The following ZFHX4 variants were observed in gnomAD, a reference collection of about 807,000 sequenced individuals.
The protein encoded by ZFHX4 is zinc finger homeobox protein 4.
ZFHX4 carries 56 observed loss-of-function variants against 267.6 expected under a neutral mutation model. The observed-to-expected ratio is 0.21, with a 90% confidence interval of 0.17 to 0.26. ZFHX4 has a LOEUF of 0.26. Ranked by LOEUF, ZFHX4 falls within the 10% of genes least tolerant of loss-of-function variation. The probability of loss-of-function intolerance (pLI) is 1.00; values close to 1 mark genes in which losing one functional copy is unlikely to be tolerated. For synonymous variants in ZFHX4, 1,778 were observed against 1,665.6 expected, an observed-to-expected ratio of 1.07 and a Z score of -1.64; for missense variants, 4,332 against 4,420.0, an observed-to-expected ratio of 0.98 and a Z score of 0.56.
At chr8:76,722,937 C>T (rs1169991881) in intron 3 of ZFHX4, among the ~76,000 whole-genome samples, 4 of 151,984 alleles carry the variant, frequency 2.6e-5, no homozygotes, top group African/African-American at 9.7e-5. Context: ...TTAACTTTAT[C>T]TCCCCAATTG....
rs1812710724 is a variant in ZFHX4 at position 76,855,945 on chromosome 8, G to C, written c.9024G>C (p.Glu3008Asp). The change falls in exon 10 of 11, where the codon GAG becomes GAC. Residue 3008 changes from glutamate to aspartate, a missense_variant. This residue lies in a region of ZFHX4 where 1,648 missense variants were observed against 1,625.0 expected (regional missense o/e 1.01). Transcript: ENST00000651372. ...GCGGAACGGAAGGCACCAAACCAGA[G>C]TGTACCCTCTGCGGGGTGAAGTACT... ...NQGGTEGTKP[E>D]CTLCGVKYSA... The C allele has an allele frequency of 2.5e-6, 4 of 1,613,838 alleles. No individual in the cohort carries two copies. The highest frequency in any genetic ancestry group is 2.2e-5 in the East Asian group (1 of 44,850).
chr8:76,690,324 G>C (rs1191148681), intron 1 of ZFHX4, among the ~76,000 whole-genome samples: 1 of 151,934 alleles, frequency 6.6e-6, no homozygotes, highest in Non-Finnish European at 1.5e-5. Context: ...GAAATCCATA[G>C]TTCTAACAAT....
rs558224055 is a variant in ZFHX4 at position 76,834,221 on chromosome 8, A to G, written c.3394+815A>G. 18 of 395,886 alleles carry G rather than the reference A, an allele frequency of 4.5e-5. No homozygotes were observed. The East Asian group carries it at 1.2e-3, about 27-fold the overall frequency. The allele number at this position is 395,886 out of a possible 1,614,324, so 24.5% of individuals were successfully genotyped here. A position where few individuals can be genotyped will look rare whatever the true frequency, so the allele number is the denominator to read the frequency against. ...TCGGTGTCCAGGCTTTTGTGTGGAC[A>G]TAAATTTTCAACTCCCTTTGATAAA... On this transcript the variant is annotated intron_variant, in intron 5 of 10. Coordinates refer to ENST00000651372, the MANE Select transcript of ZFHX4 (RefSeq NM_024721.5).
chr8:76,839,215 A>T (rs1235320042), intron 5 of ZFHX4, among the ~76,000 whole-genome samples: 1 of 152,196 alleles, frequency 6.6e-6, no homozygotes. Flanking sequence ...CAGTTTTCCA[A>T]TTGTTTCTTA....
intron 4 of ZFHX4, among the ~76,000 whole-genome samples, chr8:76,783,262 A>G (rs1322906439): frequency 6.6e-6 from 1 of 152,070 alleles, no homozygotes; most frequent in Non-Finnish European, 1.5e-5. Context: ...GGCATGTTTT[A>G]ATGAAAGCTC....
At chr8:76,769,501 T>A (rs1417323942) in intron 3 of ZFHX4, among the ~76,000 whole-genome samples, 2 of 151,938 alleles carry the variant, frequency 1.3e-5, no homozygotes, top group Non-Finnish European at 2.9e-5. Flanking sequence ...AGGCAATGAG[T>A]CACTATGCCT....
At chr8:76,734,012 A>G (rs1809091791) in intron 3 of ZFHX4, among the ~76,000 whole-genome samples, 1 of 152,208 alleles carries the variant, frequency 6.6e-6, no homozygotes. Flanking sequence ...TTAATAAAGT[A>G]CATCGGGACT....
intron 1 of ZFHX4, among the ~76,000 whole-genome samples, chr8:76,688,716 A>G (rs758824549): frequency 1.4e-4 from 21 of 152,104 alleles, no homozygotes; most frequent in Non-Finnish European, 2.8e-4. Flanking sequence ...ACCTATGTAA[A>G]TCAAATGCAG....
At chr8:76,729,224 A>G in intron 3 of ZFHX4, among the ~76,000 whole-genome samples, 1 of 152,156 alleles carries the variant, frequency 6.6e-6, no homozygotes, top group East Asian at 1.9e-4. Flanking sequence ...CATTGTAATG[A>G]TAGCCAGCAT....
At position 76,856,195 on chromosome 8, in the gene ZFHX4, A is replaced by C; in HGVS notation, c.9274A>C (p.Ile3092Leu). 2 of 1,613,982 alleles carry C rather than the reference A, an allele frequency of 1.2e-6. No homozygotes were observed. Among genetic ancestry groups the C allele is most frequent in the Non-Finnish European group, 1.7e-6 (2 of 1,179,864 alleles). ...GMMDSSSLHG[I>L]SLPTAYPGLP... ...GATGGACAGCAGTTCTCTCCACGGCATCAGCCTGCCAACAGCCTACCCCGG... is the reference window on the plus strand; with the variant it reads ...GATGGACAGCAGTTCTCTCCACGGCCTCAGCCTGCCAACAGCCTACCCCGG... The change falls in exon 10 of 11, where the codon ATC becomes CTC. Residue 3092 changes from isoleucine (I) to leucine (L), a missense_variant. Transcript: ENST00000651372.
Position 76,863,224 on chromosome 8 carries a change from T to TTCATCCTCTCTGTCAGGACAGCAGA in ZFHX4, c.9510_9511insTCATCCTCTCTGTCAGGACAGCAGA (p.Pro3171SerfsTer28). The TTCATCCTCTCTGTCAGGACAGCAGA allele has an allele frequency of 6.3e-7, 1 of 1,583,978 alleles. No homozygotes were observed. The highest frequency in any genetic ancestry group is 8.6e-7 in the Non-Finnish European group (1 of 1,164,748). On this transcript the variant is annotated frameshift_variant, in exon 11 of 11. Coordinates refer to ENST00000651372, the MANE Select transcript of ZFHX4 (RefSeq NM_024721.5). LOFTEE classifies it high-confidence loss of function. ...CACCACCTCCACCACCTCCTCCTCC[T>TTCATCCTCTCTGTCAGGACAGCAGA]CCTCCTCCTTCATCCTCTCTGTCAG...
chr8:76,723,813 A>G (rs2131643906), intron 3 of ZFHX4, among the ~76,000 whole-genome samples: 1 of 152,222 alleles, frequency 6.6e-6, no homozygotes, highest in East Asian at 1.9e-4. Context: ...TTGTGTCGTC[A>G]GTACCTTCGG....
chr8:76,752,497 A>C (rs1229396446), intron 3 of ZFHX4, among the ~76,000 whole-genome samples: 4 of 150,196 alleles, frequency 2.7e-5, no homozygotes, highest in African/African-American at 9.7e-5. Flanking sequence ...CAAAAAAAAA[A>C]AAAAAAAAAA....
At chr8:76,688,080 C>A (rs1251400765) in intron 1 of ZFHX4, among the ~76,000 whole-genome samples, 2 of 152,126 alleles carry the variant, frequency 1.3e-5, no homozygotes, top group Non-Finnish European at 2.9e-5. Flanking sequence ...GACAATAGTG[C>A]AGCTAGAAGA....
chr8:76,821,673 C>T (rs1455130410), intron 4 of ZFHX4, among the ~76,000 whole-genome samples: 1 of 152,084 alleles, frequency 6.6e-6, no homozygotes, highest in African/African-American at 2.4e-5. Flanking sequence ...GCAGTAAAAA[C>T]AATACATTCC....
chr8:76,705,187 T>C lies in ZFHX4; in HGVS notation c.1099T>C (p.Phe367Leu). ...DPTFRGLWSA[F>L]HVENGDSLPA... ...AACCTTCCGCGGTTTATGGAGCGCT[T>C]TTCATGTTGAAAATGGTGACTCTTT... Residue 367 changes from phenylalanine to leucine, a missense_variant, in exon 2 of 11, where the codon TTT becomes CTT. Physicochemically the swap from Phe to Leu is conservative, Grantham distance 22 (BLOSUM62 0). Around this residue, in one of 7 missense-constraint regions of ZFHX4, gnomAD observed 1,195 missense variants for 1,173.6 expected, o/e 1.02. Coordinates refer to ENST00000651372, the MANE Select transcript of ZFHX4 (RefSeq NM_024721.5). 1 of 1,613,954 alleles carries C rather than the reference T, an allele frequency of 6.2e-7. No homozygotes were observed. Among genetic ancestry groups the C allele is most frequent in the Non-Finnish European group, 8.5e-7 (1 of 1,179,900 alleles).
chr8:76,816,664 C>T (rs1028123790), intron 4 of ZFHX4, among the ~76,000 whole-genome samples: 1 of 146,716 alleles, frequency 6.8e-6, no homozygotes, highest in Non-Finnish European at 1.5e-5. Context: ...GGCACGAACT[C>T]GGCTCACTGC....
chr8:76,781,400 T>C (rs1216302021), intron 4 of ZFHX4, among the ~76,000 whole-genome samples: 2 of 152,108 alleles, frequency 1.3e-5, no homozygotes, highest in Non-Finnish European at 2.9e-5. Flanking sequence ...ATTAAGTTTT[T>C]TTAAAGACAG....
intron 3 of ZFHX4, among the ~76,000 whole-genome samples, chr8:76,748,988 TA>T (rs571772667): frequency 7.9e-5 from 12 of 152,352 alleles, no homozygotes; most frequent in Admixed American, 7.2e-4. Flanking sequence ...TATCATAATT[TA>T]AAGTTGGCAA....
Sources: allele counts gnomAD v4.1 joint callset (sites outside exome capture counted in the v4.1 genomes callset), GRCh38; gene constraint gnomAD v4.1.1; regional missense constraint gnomAD v4.1.1; transcripts MANE v1.5; gene names NCBI Gene and HGNC (gene_info 2026-07-23, HGNC 2026-07-21).